Variants in PCDH15 observed in about 807,000 individuals in gnomAD.
PCDH15 encodes the protein protocadherin-15.
PCDH15 carries 129 observed loss-of-function variants against 178.5 expected under a neutral mutation model. That is an observed-to-expected ratio of 0.72 (90% CI 0.63 to 0.84). The LOEUF is 0.84. Among genes scored for constraint, PCDH15 ranks in the 40% least tolerant of loss-of-function variants. The probability of loss-of-function intolerance (pLI) is 0.00; values close to 1 mark genes in which losing one functional copy is unlikely to be tolerated. For missense variants in PCDH15, 2,230 were observed against 2,099.9 expected (o/e 1.06, Z -1.21); for synonymous variants, 800 against 732.0 (o/e 1.09, Z -1.50).
chr10:55,590,148 T>A (rs998643603), intron 2 of PCDH15, among the ~76,000 whole-genome samples: 3 of 151,626 alleles, frequency 2.0e-5, no homozygotes, highest in African/African-American at 7.3e-5. Context: ...AAAGGATGAG[T>A]TCATGTCCTT....
At chr10:53,820,333 T>TAAAAATAATCAGATTTACAGATTGTTTTC (rs1383764280) in intron 32 of PCDH15, 103 bp from the exon 33 acceptor site, 5 of 393,610 alleles carry the variant, frequency 1.3e-5, no homozygotes, top group African/African-American at 1.0e-4. Context: ...GATGGGCTAA[T>TAAAAATAATCAGATTTACAGATTGTTTTC]AAAAATAATC....
chr10:54,039,252 G>A (rs1239587225), intron 18 of PCDH15, among the ~76,000 whole-genome samples: 1 of 151,916 alleles, frequency 6.6e-6, no homozygotes, highest in Non-Finnish European at 1.5e-5. Context: ...AGGGGATGCT[G>A]CTATAACTAG....
At chr10:54,916,997 C>T (rs369472225) in intron 2 of PCDH15, among the ~76,000 whole-genome samples, 46 of 152,108 alleles carry the variant, frequency 3.0e-4, no homozygotes, top group South Asian at 1.2e-3. Flanking sequence ...AGAAAGAGTA[C>T]GGGTAGAGTG....
intron 26 of PCDH15, among the ~76,000 whole-genome samples, chr10:53,870,941 T>C (rs1013518752): frequency 6.6e-6 from 1 of 152,188 alleles, no homozygotes; most frequent in Non-Finnish European, 1.5e-5. Flanking sequence ...ATATTGTCTC[T>C]ATTTGTTGTT....
chr10:54,107,445 G>A (rs1389164360), intron 15 of PCDH15, among the ~76,000 whole-genome samples: 1 of 152,184 alleles, frequency 6.6e-6, no homozygotes, highest in Non-Finnish European at 1.5e-5. Flanking sequence ...AACCCCAGAG[G>A]GGGAGGAACA....
chr10:55,216,950 A>G (rs1265721102), intron 1 of PCDH15, among the ~76,000 whole-genome samples: 2 of 151,912 alleles, frequency 1.3e-5, no homozygotes, highest in Non-Finnish European at 2.9e-5. Context: ...CTTTCTGTGA[A>G]TTCTACAAAA....
At chr10:54,053,556 T>C (rs1565134909) in intron 18 of PCDH15, among the ~76,000 whole-genome samples, 1 of 152,192 alleles carries the variant, frequency 6.6e-6, no homozygotes, top group Non-Finnish European at 1.5e-5. Flanking sequence ...ACAAAAGATT[T>C]TCTGGAAAAG....
chr10:53,891,154 G>A (rs957884351), intron 26 of PCDH15, among the ~76,000 whole-genome samples: 2 of 149,582 alleles, frequency 1.3e-5, no homozygotes, highest in African/African-American at 4.9e-5. Context: ...CAAAGTTAAT[G>A]GAGGTTCAAG....
chr10:55,213,211 T>C (rs530287368), intron 1 of PCDH15, among the ~76,000 whole-genome samples: 5 of 152,144 alleles, frequency 3.3e-5, no homozygotes, highest in East Asian at 1.9e-4. Flanking sequence ...AAATAGATGG[T>C]TGGATTAAAA....
intron 17 of PCDH15, among the ~76,000 whole-genome samples, chr10:54,076,722 T>C (rs1301090115): frequency 6.6e-6 from 1 of 152,088 alleles, no homozygotes; most frequent in Non-Finnish European, 1.5e-5. Context: ...TCAAACTTCC[T>C]CCATACTGTC....
chr10:55,599,863 G>T (rs1437894976), intron 2 of PCDH15: 1 of 1,365,670 alleles, frequency 7.3e-7, no homozygotes. Context: ...TGCAAAGGTA[G>T]CATAATCACT....
intron 25 of PCDH15, among the ~76,000 whole-genome samples, chr10:53,933,626 A>T (rs1175917427): frequency 6.6e-6 from 1 of 152,292 alleles, no homozygotes; most frequent in Non-Finnish European, 1.5e-5. Flanking sequence ...TAATGCCACA[A>T]TAAACATATG....
Position 54,240,860 on chromosome 10 carries a change from T to C in PCDH15, c.877-3929A>G, listed in dbSNP as rs150433060. Among the ~76,000 whole-genome samples, 1,274 of 152,088 alleles carry C rather than the reference T, an allele frequency of 8.4e-3. 11 individuals carry two copies. Among genetic ancestry groups the C allele is most frequent in the African/African-American group, 0.027 (1,112 of 41,510 alleles). ...GTTGGCCAGGATGGTCTGGATCTCT[T>C]GACCTCGTGATTCACCCGCCTTGGC... On this transcript the variant is annotated intron_variant, in intron 8 of 37. Transcript: ENST00000644397.
At chr10:54,867,504 ACT>A (rs1953961488) in intron 3 of PCDH15, among the ~76,000 whole-genome samples, 1 of 152,072 alleles carries the variant, frequency 6.6e-6, no homozygotes, top group Non-Finnish European at 1.5e-5. Flanking sequence ...TAATAGAGAC[ACT>A]CATTATTTTT....
chr10:54,423,255 G>A (rs754651897), intron 3 of PCDH15, among the ~76,000 whole-genome samples: 20 of 152,118 alleles, frequency 1.3e-4, no homozygotes, highest in Non-Finnish European at 1.9e-4. Context: ...TAATTTCCCT[G>A]GTTACTAAAT....
intron 3 of PCDH15, among the ~76,000 whole-genome samples, chr10:54,442,492 GT>G (rs1191875353): frequency 2.2e-4 from 12 of 55,452 alleles, no homozygotes; most frequent in East Asian, 1.9e-3. Context: ...ATACTATTTT[GT>G]TTTTTTTAAA....
At chr10:55,127,024 C>T (rs1232926438) in intron 2 of PCDH15, among the ~76,000 whole-genome samples, 1 of 152,046 alleles carries the variant, frequency 6.6e-6, no homozygotes, top group Admixed American at 6.6e-5. Context: ...CACACAAAAA[C>T]TAGTAGAACA....
At chr10:55,508,549 C>G (rs939913574) in intron 2 of PCDH15, among the ~76,000 whole-genome samples, 1 of 151,648 alleles carries the variant, frequency 6.6e-6, no homozygotes, top group African/African-American at 2.4e-5. Context: ...ATGTATAAAC[C>G]TGCAGATGAG....
rs143666691 is a variant in PCDH15, at chr10:55,007,197, A to C, written c.-79-109697T>G. Among the ~76,000 whole-genome samples, 260 of 152,286 alleles carry C rather than the reference A, an allele frequency of 1.7e-3. 1 individual carries two copies. Among genetic ancestry groups the C allele is most frequent in the African/African-American group, 5.9e-3 (245 of 41,560 alleles). The stretch of plus-strand genomic sequence containing the variant: ...GAGAGTCAATTACACCTCTTTTCTC[A>C]TAAATTACCCAGCTTCTGGTATTTC... On this transcript the variant is annotated intron_variant, in intron 2 of 5. Transcript: ENST00000458638.
Sources: allele counts gnomAD v4.1 joint callset (sites outside exome capture counted in the v4.1 genomes callset), GRCh38; gene constraint gnomAD v4.1.1; transcripts MANE v1.5; gene names NCBI Gene and HGNC (gene_info 2026-07-23, HGNC 2026-07-21).